The following PLXDC2 variants were observed in gnomAD, a reference collection of about 807,000 sequenced individuals.
PLXDC2 encodes the protein plexin domain containing 2.
PLXDC2 carries 40 observed loss-of-function variants against 68.9 expected under a neutral mutation model. That is an observed-to-expected ratio of 0.58 (90% CI 0.45 to 0.76). The LOEUF is 0.76. Ranked by LOEUF, PLXDC2 falls within the 30% of genes least tolerant of loss-of-function variation. PLXDC2 has a pLI of 0.00. For missense variants in PLXDC2, 644 were observed against 661.9 expected, an observed-to-expected ratio of 0.97 and a Z score of 0.30; for synonymous variants, 243 against 234.2, an observed-to-expected ratio of 1.04 and a Z score of -0.34.
intron 1 of PLXDC2, among the ~76,000 whole-genome samples, chr10:19,939,819 CAT>C (rs1473937934): frequency 1.3e-5 from 2 of 149,644 alleles, no homozygotes; most frequent in Admixed American, 1.3e-4. Context: ...TGTTGGATGA[CAT>C]GTGACAAATA....
chr10:19,958,310 C>A (rs938219419), intron 1 of PLXDC2, among the ~76,000 whole-genome samples: 11 of 152,062 alleles, frequency 7.2e-5, no homozygotes, highest in African/African-American at 2.2e-4. Context: ...ACACCTGTCT[C>A]ATGCTATTGT....
At chr10:19,976,836 C>A (rs772487431) in intron 1 of PLXDC2, among the ~76,000 whole-genome samples, 5 of 146,498 alleles carry the variant, frequency 3.4e-5, no homozygotes, top group Non-Finnish European at 7.5e-5. Flanking sequence ...TTTTTTTTTT[C>A]ATTTTCTTGT....
chr10:20,237,445 G>C (rs1310376701), intron 12 of PLXDC2, among the ~76,000 whole-genome samples: 1 of 152,134 alleles, frequency 6.6e-6, no homozygotes, highest in African/African-American at 2.4e-5. Context: ...TCTGAATGAA[G>C]TCAAGGTCAT....
At chr10:20,103,792 G>A (rs758019795) in intron 4 of PLXDC2, among the ~76,000 whole-genome samples, 70 of 152,112 alleles carry the variant, frequency 4.6e-4, no homozygotes, top group Admixed American at 1.2e-3. Flanking sequence ...ACAGGCATGC[G>A]CCACCACGCC....
At chr10:19,839,020 T>C (rs1836853199) in intron 1 of PLXDC2, among the ~76,000 whole-genome samples, 1 of 151,932 alleles carries the variant, frequency 6.6e-6, no homozygotes, top group Admixed American at 6.6e-5. Context: ...ACCCCGTCTG[T>C]AATAAAAATA....
intron 9 of PLXDC2, among the ~76,000 whole-genome samples, chr10:20,198,596 C>T (rs1834873740): frequency 6.6e-6 from 1 of 152,044 alleles, no homozygotes; most frequent in South Asian, 2.1e-4. Flanking sequence ...TCATTTAACC[C>T]TAAGATATCC....
intron 3 of PLXDC2, among the ~76,000 whole-genome samples, chr10:20,047,447 G>C (rs1044438894): frequency 6.6e-6 from 1 of 152,050 alleles, no homozygotes; most frequent in African/African-American, 2.4e-5. Context: ...AGTCATTTAT[G>C]ACTTAGATAA....
intron 3 of PLXDC2, among the ~76,000 whole-genome samples, chr10:20,060,734 A>G (rs1183656368): frequency 6.6e-6 from 1 of 152,160 alleles, no homozygotes; most frequent in African/African-American, 2.4e-5. Flanking sequence ...ATGATGTTTT[A>G]CTACTACTAA....
rs150769637 is a variant in PLXDC2 at position 20,180,530 on chromosome 10, T to C, written c.1061+3121T>C. Reference sequence around the variant, plus strand: ...ATTCAACAAAACAGGAGAAGTCTTATCCTAAGCAGCACAAAAATTGCCCCT... The same window carrying C: ...ATTCAACAAAACAGGAGAAGTCTTACCCTAAGCAGCACAAAAATTGCCCCT... On this transcript the variant is annotated intron_variant, in intron 9 of 13. Transcript: ENST00000377252. 1.4e-4 allele frequency among the ~76,000 whole-genome samples: 21 copies of C among 152,148 alleles called. No individual in the cohort carries two copies. In the East Asian group the frequency reaches 4.1e-3, roughly 30 times the overall value.
intron 2 of PLXDC2, among the ~76,000 whole-genome samples, chr10:20,042,463 A>G (rs1323774823): frequency 6.6e-6 from 1 of 152,204 alleles, no homozygotes; most frequent in African/African-American, 2.4e-5. Flanking sequence ...TTAAGGAATG[A>G]TCTTCAAGTG....
At chr10:19,980,169 T>C (rs1021501184) in intron 1 of PLXDC2, among the ~76,000 whole-genome samples, 2 of 152,220 alleles carry the variant, frequency 1.3e-5, no homozygotes, top group African/African-American at 4.8e-5. Context: ...CATTTTTTAA[T>C]AGCAAGATGT....
At chr10:19,884,956 G>T (rs1405626962) in intron 1 of PLXDC2, among the ~76,000 whole-genome samples, 10 of 152,128 alleles carry the variant, frequency 6.6e-5, no homozygotes, top group African/African-American at 1.9e-4. Flanking sequence ...TGAACTAGTT[G>T]ACAGTCCCAC....
At chr10:19,924,838 G>C (rs1015152892) in intron 1 of PLXDC2, among the ~76,000 whole-genome samples, 15 of 152,258 alleles carry the variant, frequency 9.9e-5, no homozygotes, top group African/African-American at 3.4e-4. Context: ...TGTAATAAAG[G>C]TGACAGGTTA....
chr10:20,126,441 C>T (rs188284226), intron 4 of PLXDC2, among the ~76,000 whole-genome samples: 2,034 of 127,768 alleles, frequency 0.016, 708 homozygotes, highest in South Asian at 0.037. Context: ...ATACAACACA[C>T]GTTATATATG....
At chr10:20,023,897 G>T (rs906195629) in intron 2 of PLXDC2, among the ~76,000 whole-genome samples, 1 of 151,964 alleles carries the variant, frequency 6.6e-6, no homozygotes, top group African/African-American at 2.4e-5. Context: ...ATTCATTCTG[G>T]ATCTCTGGAG....
chr10:20,254,834 C>A (rs1835722109), intron 13 of PLXDC2, among the ~76,000 whole-genome samples: 1 of 152,048 alleles, frequency 6.6e-6, no homozygotes, highest in South Asian at 2.1e-4. Flanking sequence ...TTCTAAGATG[C>A]TAGAATTTTT....
intron 13 of PLXDC2, among the ~76,000 whole-genome samples, chr10:20,259,007 C>CAAA (rs59615493): frequency 7.7e-4 from 79 of 102,062 alleles, no homozygotes; most frequent in East Asian, 1.4e-3. Flanking sequence ...TACTCCGTCT[C>CAAA]AAAAAAAAAA....
At chr10:20,247,001 G>A (rs1394903396) in intron 13 of PLXDC2, among the ~76,000 whole-genome samples, 3 of 152,054 alleles carry the variant, frequency 2.0e-5, no homozygotes, top group South Asian at 2.1e-4. Context: ...CCTTCTGTGG[G>A]GGCTCAAGGC....
At position 20,220,144 on chromosome 10, in the gene PLXDC2, A is replaced by T. The variant is rs556368382; in HGVS notation, c.1312+1042A>T. Among the ~76,000 whole-genome samples, 10 of 152,324 alleles carry T rather than the reference A, an allele frequency of 6.6e-5. No homozygotes were observed. The South Asian group carries it at 2.1e-3, about 32-fold the overall frequency. ...GCATCATTTTGTAGTGTTTTATTTC[A>T]TTCATTTCTTATTCATCATTGTATT... On this transcript the variant is annotated intron_variant, in intron 12 of 13. Transcript: ENST00000377252.
Sources: allele counts gnomAD v4.1 joint callset (sites outside exome capture counted in the v4.1 genomes callset), GRCh38; gene constraint gnomAD v4.1.1; transcripts MANE v1.5; gene names NCBI Gene and HGNC (gene_info 2026-07-23, HGNC 2026-07-21).